PANK3: variants seen among roughly 807,000 people sequenced by gnomAD.
PANK3 encodes the protein hPanK3.
PANK3 carries 20 observed loss-of-function variants against 39.4 expected under a neutral mutation model. The observed-to-expected ratio is 0.51, with a 90% confidence interval of 0.36 to 0.74. The LOEUF is 0.74. Ranked by LOEUF, PANK3 falls within the 30% of genes least tolerant of loss-of-function variation. The pLI is 0.00. For missense variants in PANK3, 265 were observed against 437.0 expected (o/e 0.61, Z 3.51); for synonymous variants, 140 against 157.3 (o/e 0.89, Z 0.82).
intron 5 of PANK3, among the ~76,000 whole-genome samples, chr5:168,559,429 G>C (rs986042901): frequency 1.3e-5 from 2 of 152,048 alleles, no homozygotes; most frequent in African/African-American, 2.4e-5. Flanking sequence ...GTGTGCACAG[G>C]GTTATGGACT....
Position 168,568,740 on chromosome 5 carries a change from A to G in PANK3, c.287T>C (p.Ile96Thr), listed in dbSNP as rs754376364. ...RFPTQDLPTF[I>T]QMGRDKNFST... ...GAAGTTTTTATCTCTTCCCATTTGGATAAAAGTAGGCAGGTCCTGGGTTGG... is the reference window on the plus strand; with the variant it reads ...GAAGTTTTTATCTCTTCCCATTTGGGTAAAAGTAGGCAGGTCCTGGGTTGG... The change falls in exon 2 of 7, where the codon ATC becomes ACC. Residue 96 changes from isoleucine (I) to threonine (T), a missense_variant. By Grantham distance (89) the Ile-to-Thr change is moderately conservative. Transcript: ENST00000239231. 2 of 1,614,124 alleles carry G rather than the reference A, an allele frequency of 1.2e-6. No homozygotes were observed. Among genetic ancestry groups the G allele is most frequent in the Admixed American group, 3.3e-5 (2 of 60,006 alleles).
chr5:168,553,202 G>T lies in PANK3; in HGVS notation c.*4369C>A. On this transcript the variant is annotated 3_prime_UTR_variant, in exon 7 of 7. Coordinates refer to ENST00000239231, the MANE Select transcript of PANK3 (RefSeq NM_024594.4). ...TCTTCAGACCCCAAGATGAACTCCA[G>T]ACCAAAGATCTGGATCTCCAGAATA... is the stretch of plus-strand genomic sequence containing the variant. 2.0e-6 allele frequency: 1 copy of T among 503,834 alleles called. No individual in the cohort carries two copies. The highest frequency in any genetic ancestry group is 1.5e-5 in the South Asian group (1 of 67,580). 31.2% of individuals were successfully genotyped at this position (503,834 alleles called of 1,614,324 possible).
chr5:168,578,501 TTAAA>T (rs1359131613), intron 1 of PANK3: 1 of 152,148 alleles, frequency 6.6e-6, no homozygotes, highest in Non-Finnish European at 1.5e-5. Context: ...GGCTGGGTGA[TTAAA>T]TAAGTCAATT....
Position 168,554,194 on chromosome 5 carries a change from T to C in PANK3, c.*3377A>G, listed in dbSNP as rs756858713. The C allele has an allele frequency of 6.6e-6, 1 of 152,250 alleles. No homozygotes were observed. Among genetic ancestry groups the C allele is most frequent in the African/African-American group, 2.4e-5 (1 of 41,468 alleles). The allele number at this position is 152,250 out of a possible 1,614,324, so 9.4% of individuals were successfully genotyped here. A position where few individuals can be genotyped will look rare whatever the true frequency, so the allele number is the denominator to read the frequency against. ...AGTTAACACTGGAGGTCCAATAGTT[T>C]AGTGAAGTTGTTTTGAGACTCTTGC... On this transcript the variant is annotated 3_prime_UTR_variant, in exon 7 of 7. Coordinates refer to ENST00000239231, the MANE Select transcript of PANK3 (RefSeq NM_024594.4).
In PANK3 at chr5:168,561,019, T is replaced by TG. The variant is rs760219867; in HGVS notation, c.936+373dup. On this transcript the variant is annotated intron_variant, in intron 5 of 6. Transcript: ENST00000239231. ...ACTAATCAAATGCAACATTAAGCAC[T>TG]GGTGGTATAGTGGTGAGCATAGCTG... 1.1e-5 allele frequency: 5 copies of TG among 465,542 alleles called. No individual in the cohort carries two copies. In the East Asian group the frequency reaches 2.9e-4, roughly 27 times the overall value. 28.8% of individuals were successfully genotyped at this position (465,542 alleles called of 1,614,324 possible).
At chr5:168,577,196 G>C (rs1365747045) in intron 1 of PANK3, among the ~76,000 whole-genome samples, 1 of 151,644 alleles carries the variant, frequency 6.6e-6, no homozygotes, top group African/African-American at 2.4e-5. Flanking sequence ...TTATTATCTG[G>C]GACAGTTCAT....
At chr5:168,570,329 G>C (rs1441800158) in intron 1 of PANK3, among the ~76,000 whole-genome samples, 8 of 149,806 alleles carry the variant, frequency 5.3e-5, no homozygotes, top group Non-Finnish European at 7.4e-5. Context: ...AGCTTGCAGT[G>C]AGCAGAGATC....
intron 3 of PANK3, 128 bp downstream of exon 3, chr5:168,565,885 A>ATATATATATATAT (rs1441027360): frequency 2.6e-5 from 5 of 192,938 alleles, no homozygotes; most frequent in African/African-American, 1.3e-4. Flanking sequence ...ATATATATAT[A>ATATATATATATAT]TTTTTTTTTT....
At position 168,553,122 on chromosome 5, in the gene PANK3, T is replaced by TAC. The variant is rs1184969529; in HGVS notation, c.*4447_*4448dup. 1.8e-5 allele frequency: 8 copies of TAC among 448,534 alleles called. No homozygotes were observed. Among genetic ancestry groups the TAC allele is most frequent in the African/African-American group, 1.5e-4 (7 of 46,020 alleles). The allele number at this position is 448,534 out of a possible 1,614,324, so 27.8% of individuals were successfully genotyped here. A position where few individuals can be genotyped will look rare whatever the true frequency, so the allele number is the denominator to read the frequency against. Reference sequence around the variant, plus strand: ...GACTTCCAGGGCAAAATGGAAGGGCTACACTTTATAGGACAGCTGGAAGGA... The same window carrying TAC: ...GACTTCCAGGGCAAAATGGAAGGGCTACACACTTTATAGGACAGCTGGAAGGA... On this transcript the variant is annotated 3_prime_UTR_variant, in exon 7 of 7. Transcript: ENST00000239231.
At chr5:168,570,381 T>C (rs1759608157) in intron 1 of PANK3, among the ~76,000 whole-genome samples, 1 of 121,348 alleles carries the variant, frequency 8.2e-6, no homozygotes, top group African/African-American at 3.0e-5. Context: ...CAAGACTCCG[T>C]CTCAAAAAAA....
rs1003233811 is a variant in PANK3 at position 168,549,024 on chromosome 5, C to T, written c.*8547G>A. 1.3e-5 allele frequency: 2 copies of T among 152,158 alleles called. No individual in the cohort carries two copies. The highest frequency in any genetic ancestry group is 1.3e-4 in the Admixed American group (2 of 15,278). The allele number at this position is 152,158 out of a possible 1,614,324, so 9.4% of individuals were successfully genotyped here. A position where few individuals can be genotyped will look rare whatever the true frequency, so the allele number is the denominator to read the frequency against. Reference sequence around the variant, plus strand: ...TTAGATTGGGACATAATAACATCTTCTGAGTACACTTTGGTCAATAACTGG... The same window carrying T: ...TTAGATTGGGACATAATAACATCTTTTGAGTACACTTTGGTCAATAACTGG... On this transcript the variant is annotated 3_prime_UTR_variant, in exon 7 of 7. Transcript: ENST00000239231.
In PANK3 at chr5:168,553,675, C is replaced by A; in HGVS notation, c.*3896G>T. ...AAGAAGAGGTGGGGTGACCTGGGTCCCCATGGCCCTTATCTAATTCTTTTC... is the reference window on the plus strand; with the variant it reads ...AAGAAGAGGTGGGGTGACCTGGGTCACCATGGCCCTTATCTAATTCTTTTC... On this transcript the variant is annotated 3_prime_UTR_variant, in exon 7 of 7. Coordinates refer to ENST00000239231, the MANE Select transcript of PANK3 (RefSeq NM_024594.4). The A allele has an allele frequency of 6.2e-6, 1 of 161,526 alleles. No individual in the cohort carries two copies. The highest frequency in any genetic ancestry group is 1.3e-5 in the Non-Finnish European group (1 of 75,050). The allele number at this position is 161,526 out of a possible 1,614,324, so 10.0% of individuals were successfully genotyped here.
intron 2 of PANK3, among the ~76,000 whole-genome samples, chr5:168,567,366 C>A (rs1001551392): frequency 6.6e-6 from 1 of 152,088 alleles, no homozygotes; most frequent in African/African-American, 2.4e-5. Flanking sequence ...ATAACTGATA[C>A]CTTAATCTCC....
rs1259969758 is a variant in PANK3, at chr5:168,565,877, ATATATATATT to A, written c.635+126_635+135del. 6.2e-5 allele frequency: 12 copies of A among 193,286 alleles called. 2 individuals are homozygous for A. Among genetic ancestry groups the A allele is most frequent in the South Asian group, 3.2e-4 (2 of 6,270 alleles). The allele number at this position is 193,286 out of a possible 1,614,324, so 12.0% of individuals were successfully genotyped here. On this transcript the variant is annotated intron_variant, in intron 3 of 6. Coordinates refer to ENST00000239231, the MANE Select transcript of PANK3 (RefSeq NM_024594.4). ...TCACTTAAAAAAAAAAAATATATAT[ATATATATATT>A]TTTTTTTTTTGCTGTTGTGCAAATA... is the stretch of plus-strand genomic sequence containing the variant.
chr5:168,577,316 C>T (rs539589454), intron 1 of PANK3, among the ~76,000 whole-genome samples: 1 of 152,064 alleles, frequency 6.6e-6, no homozygotes, highest in East Asian at 1.9e-4. Flanking sequence ...GCTTCTACAC[C>T]ATAGTAACTG....
chr5:168,563,370 T>C (rs190337455), intron 4 of PANK3, among the ~76,000 whole-genome samples: 116 of 152,272 alleles, frequency 7.6e-4, no homozygotes, highest in Non-Finnish European at 1.3e-3. Context: ...CTCCATCTGA[T>C]TAGCAAAAAT....
At chr5:168,560,719 T>C (rs1759432880) in intron 5 of PANK3, among the ~76,000 whole-genome samples, 2 of 152,212 alleles carry the variant, frequency 1.3e-5, no homozygotes, top group African/African-American at 4.8e-5. Flanking sequence ...AAGTATTTGA[T>C]ATTTATAAAA....
chr5:168,575,984 C>T (rs1759725531), intron 1 of PANK3, among the ~76,000 whole-genome samples: 1 of 152,160 alleles, frequency 6.6e-6, no homozygotes, highest in Non-Finnish European at 1.5e-5. Flanking sequence ...TAAGACATTT[C>T]ACTATTCTCA....
In PANK3 at chr5:168,551,184, T is replaced by C. The variant is rs192210131; in HGVS notation, c.*6387A>G. 6.6e-6 allele frequency: 1 copy of C among 152,220 alleles called. No individual in the cohort carries two copies. Among genetic ancestry groups the C allele is most frequent in the African/African-American group, 2.4e-5 (1 of 41,562 alleles). The allele number at this position is 152,220 out of a possible 1,614,324, so 9.4% of individuals were successfully genotyped here. ...CTTAAATATTGAAAAGAGGCAGTAA[T>C]ATAGATAAAACACACTATTTTCTGA... On this transcript the variant is annotated 3_prime_UTR_variant, in exon 7 of 7. Coordinates refer to ENST00000239231, the MANE Select transcript of PANK3 (RefSeq NM_024594.4).
Sources: allele counts gnomAD v4.1 joint callset (sites outside exome capture counted in the v4.1 genomes callset), GRCh38; gene constraint gnomAD v4.1.1; transcripts MANE v1.5; gene names NCBI Gene and HGNC (gene_info 2026-07-23, HGNC 2026-07-21).